The following JAKMIP3 variants were observed in gnomAD, a reference collection of about 807,000 sequenced individuals.
JAKMIP3 encodes Janus kinase and microtubule interacting protein 3.
A neutral mutation model predicts 118.5 loss-of-function variants in JAKMIP3; 58 were observed. That is an observed-to-expected ratio of 0.49 (90% CI 0.40 to 0.61). The LOEUF (loss-of-function observed/expected upper bound fraction) is 0.61. Ranked by LOEUF, JAKMIP3 falls within the 20% of genes least tolerant of loss-of-function variation. The probability of loss-of-function intolerance (pLI) is 0.00; values close to 1 mark genes in which losing one functional copy is unlikely to be tolerated. For missense variants in JAKMIP3, 950 were observed against 1,109.0 expected (o/e 0.86, Z 2.04); for synonymous variants, 486 against 451.2 (o/e 1.08, Z -0.98).
intron 23 of JAKMIP3, among the ~76,000 whole-genome samples, chr10:132,177,279 G>T (rs573311738): frequency 1.3e-5 from 2 of 152,274 alleles, no homozygotes; most frequent in African/African-American, 2.4e-5. Context: ...GCTGGGCATC[G>T]CTGTGGAGGC....
intron 4 of JAKMIP3, among the ~76,000 whole-genome samples, chr10:132,134,737 C>T (rs1252238368): frequency 2.0e-5 from 3 of 152,248 alleles, no homozygotes; most frequent in African/African-American, 7.2e-5. Context: ...CCGCCCTCTC[C>T]ATCTGCATAC....
chr10:132,170,192 C>T (rs1180688371), intron 23 of JAKMIP3: 1 of 152,224 alleles, frequency 6.6e-6, no homozygotes, highest in Non-Finnish European at 1.5e-5. Context: ...GGTCCCACAG[C>T]AAGAGCTGGA....
intron 3 of JAKMIP3, among the ~76,000 whole-genome samples, chr10:132,125,172 T>G (rs915901810): frequency 3.3e-5 from 5 of 152,256 alleles, no homozygotes; most frequent in African/African-American, 1.2e-4. Context: ...AGTTGCCCCC[T>G]CTGTGTCGCT....
intron 10 of JAKMIP3, among the ~76,000 whole-genome samples, chr10:132,141,379 G>A (rs1028676225): frequency 6.6e-6 from 1 of 152,190 alleles, no homozygotes; most frequent in Admixed American, 6.5e-5. Flanking sequence ...GAAGGCAGCA[G>A]CAGGCTCACC....
At chr10:132,064,444 CG>C (rs1464279962), upstream of JAKMIP3, among the ~76,000 whole-genome samples, 1 of 152,140 alleles carries the variant, frequency 6.6e-6, no homozygotes, top group East Asian at 1.9e-4. This position sits in a 1 kb window ranked among gnomAD's most constrained non-coding sequence, Gnocchi z 4.4. Context: ...GACCCCGAGC[CG>C]CCGGCATGGG....
chr10:132,068,151 G>A (rs2133927824), intron 1 of JAKMIP3, among the ~76,000 whole-genome samples: 1 of 149,582 alleles, frequency 6.7e-6, no homozygotes, highest in East Asian at 2.0e-4. Context: ...GTGGGTTTCT[G>A]TGTGGACTGT....
In JAKMIP3 at chr10:132,117,579, G is replaced by C; in HGVS notation, c.633+5G>C. On this transcript the variant is annotated splice_donor_5th_base_variant and intron_variant, in intron 3 of 23. Coordinates refer to ENST00000684848, the MANE Select transcript of JAKMIP3 (RefSeq NM_001323087.2). The surrounding 1 kb of genome is among the most constrained non-coding windows in gnomAD (Gnocchi z 8.6). ...GAGCGGGAGATCCGCAGGCTGGTAC[G>C]TGGGCAGGCAGGGGCGGGCGTGGGC... 1 of 1,539,952 alleles carries C rather than the reference G, an allele frequency of 6.5e-7. No homozygotes were observed. Among genetic ancestry groups the C allele is most frequent in the Non-Finnish European group, 8.8e-7 (1 of 1,140,224 alleles).
rs1053774351 is a variant in JAKMIP3, at chr10:132,164,742, C to T, written c.2490+7C>T. 4 of 1,594,870 alleles carry T rather than the reference C, an allele frequency of 2.5e-6. No individual in the cohort carries two copies. The highest frequency in any genetic ancestry group is 2.6e-6 in the Non-Finnish European group (3 of 1,162,902). On this transcript the variant is annotated splice_region_variant and intron_variant, in intron 21 of 23. Coordinates refer to ENST00000684848, the MANE Select transcript of JAKMIP3 (RefSeq NM_001323087.2). ...AAAGGAACTGGAGGAAAAGGTAAAA[C>T]AAATGCAGTTTTGGGGGTTGCTTGT...
At position 132,044,146 on chromosome 10, in the gene JAKMIP3, G is replaced by C. The variant is rs573671654; in HGVS notation, c.-138+7408G>C. Among the ~76,000 whole-genome samples, 105 of 152,364 alleles carry C rather than the reference G, an allele frequency of 6.9e-4. 1 individual carries two copies. The Middle Eastern group carries it at 0.017, about 25-fold the overall frequency. On this transcript the variant is annotated intron_variant, in intron 1 of 23. Transcript: ENST00000657785. The surrounding 1 kb of genome is among the most constrained non-coding windows in gnomAD (Gnocchi z 5.3). ...CTCCCCTGGGACCAGCCCGATGCCT[G>C]GTGGGGGGGCTTCTCTGGGCCCTCA...
At chr10:132,135,275 G>A (rs1463354663) in intron 5 of JAKMIP3, 115 bp downstream of exon 5, 32 of 1,088,302 alleles carry the variant, frequency 2.9e-5, no homozygotes, top group South Asian at 6.3e-5. Flanking sequence ...TGCAAGGACC[G>A]GCCTTGCGTC....
At chr10:132,101,614 A>G (rs1411176589) in intron 1 of JAKMIP3, among the ~76,000 whole-genome samples, 1 of 152,176 alleles carries the variant, frequency 6.6e-6, no homozygotes, top group Non-Finnish European at 1.5e-5. Flanking sequence ...CCAGATGGGA[A>G]TGAGTTTCTG....
At chr10:132,101,113 T>C (rs913871) in intron 1 of JAKMIP3, among the ~76,000 whole-genome samples, 66,075 of 152,128 alleles carry the variant, frequency 0.43, 14,600 homozygotes, top group South Asian at 0.61. Context: ...GACTTGAATC[T>C]GTTCGGAGGA....
intron 2 of JAKMIP3, among the ~76,000 whole-genome samples, chr10:132,106,354 A>AT (rs2045900130): frequency 1.0e-4 from 13 of 126,706 alleles, no homozygotes; most frequent in African/African-American, 3.6e-4. Flanking sequence ...AATAAAAATG[A>AT]TTTAAAAAAA....
At chr10:132,174,165 T>C (rs2059928007) in intron 23 of JAKMIP3, among the ~76,000 whole-genome samples, 1 of 152,078 alleles carries the variant, frequency 6.6e-6, no homozygotes, top group Admixed American at 6.6e-5. Flanking sequence ...AGTGCATGCA[T>C]CCACCAACCC....
chr10:132,110,480 G>A (rs2046696233), intron 2 of JAKMIP3, among the ~76,000 whole-genome samples: 1 of 152,266 alleles, frequency 6.6e-6, no homozygotes, highest in South Asian at 2.1e-4. Flanking sequence ...GCCGAGGGAG[G>A]GGAGCTGCTT....
intron 19 of JAKMIP3, 51 bp downstream of exon 19, chr10:132,154,041 C>A (rs368099429): frequency 6.4e-7 from 1 of 1,563,438 alleles, no homozygotes; most frequent in Non-Finnish European, 8.8e-7. Context: ...TGGGCTGAAA[C>A]GGCCACGTGG....
At chr10:132,038,065 T>G (rs551225589) in intron 1 of JAKMIP3, among the ~76,000 whole-genome samples, 1 of 152,290 alleles carries the variant, frequency 6.6e-6, no homozygotes, top group Non-Finnish European at 1.5e-5. Flanking sequence ...GAGGATATAG[T>G]TTGTTTTAAG....
chr10:132,106,447 G>A (rs890094292), intron 2 of JAKMIP3, among the ~76,000 whole-genome samples: 8 of 151,922 alleles, frequency 5.3e-5, no homozygotes, highest in Admixed American at 1.3e-4. Flanking sequence ...ATCTGGCCCC[G>A]CCCCCGTTCC....
At chr10:132,036,436 G>A (rs1016189180), upstream of JAKMIP3, among the ~76,000 whole-genome samples, 4 of 152,184 alleles carry the variant, frequency 2.6e-5, no homozygotes, top group Admixed American at 1.3e-4. Flanking sequence ...GGCGGCGCCC[G>A]GTGCCCGGCT....
Sources: allele counts gnomAD v4.1 joint callset (sites outside exome capture counted in the v4.1 genomes callset), GRCh38; gene constraint gnomAD v4.1.1; non-coding constraint Gnocchi (gnomAD v3.1); transcripts MANE v1.5; gene names NCBI Gene and HGNC (gene_info 2026-07-23, HGNC 2026-07-21).